The following F2RL2 variants were observed in gnomAD, a reference collection of about 807,000 sequenced individuals.
F2RL2 encodes the protein coagulation factor II thrombin receptor like 2.
In F2RL2, 4 loss-of-function variants were observed where a neutral mutation model predicts 4.3. The observed-to-expected ratio is 0.93, with a 90% confidence interval of 0.46 to 2.12. The LOEUF (loss-of-function observed/expected upper bound fraction) is 2.12, where lower values mean the gene tolerates loss of function less well. Ranked by LOEUF, F2RL2 falls within the 30% of genes most tolerant of loss-of-function variation. The pLI, the probability that F2RL2 is intolerant of heterozygous loss-of-function variation, is 0.02. For synonymous variants in F2RL2, 166 were observed against 170.9 expected, an observed-to-expected ratio of 0.97 and a Z score of 0.22; for missense variants, 408 against 449.3, an observed-to-expected ratio of 0.91 and a Z score of 0.83.
rs1749255273 is a variant in F2RL2 at position 76,618,553 on chromosome 5, G to A, written c.154C>T (p.Pro52Ser). The change falls in exon 2 of 2, where the codon CCC becomes TCC. Residue 52 changes from proline to serine, a missense_variant. Pro to Ser is a moderately conservative substitution (Grantham distance 74). Coordinates refer to ENST00000296641, the MANE Select transcript of F2RL2 (RefSeq NM_004101.4). Reference protein sequence around the residue: ...GAPPNSFEEFPFSALEGWTGA... With the variant: ...GAPPNSFEEFSFSALEGWTGA... ...GTCCAGCCTTCCAAGGCAGAAAAGGGGAACTCTTCAAAAGAATTTGGGGGA... is the reference window on the plus strand; with the variant it reads ...GTCCAGCCTTCCAAGGCAGAAAAGGAGAACTCTTCAAAAGAATTTGGGGGA... 1.2e-6 allele frequency: 2 copies of A among 1,614,092 alleles called. No individual in the cohort carries two copies. Among genetic ancestry groups the A allele is most frequent in the Admixed American group, 1.7e-5 (1 of 60,016 alleles).
Position 76,617,437 on chromosome 5 carries a change from CAA to C in F2RL2, c.*143_*144del. On this transcript the variant is annotated 3_prime_UTR_variant, in exon 2 of 2. Coordinates refer to ENST00000296641, the MANE Select transcript of F2RL2 (RefSeq NM_004101.4). ...AGACTCAGTCTCAAAAACAAACAAA[CAA>C]ACTACTAATGCTTTTGTAATGTTTG... 1 of 645,494 alleles carries C rather than the reference CAA, an allele frequency of 1.5e-6. No homozygotes were observed. Among genetic ancestry groups the C allele is most frequent in the Middle Eastern group, 4.3e-4 (1 of 2,342 alleles). 40.0% of individuals were successfully genotyped at this position (645,494 alleles called of 1,614,324 possible).
intron 1 of F2RL2, 57 bp from the exon 2 acceptor site, chr5:76,618,699 G>A (rs1426410169): frequency 1.5e-6 from 2 of 1,347,306 alleles, no homozygotes; most frequent in African/African-American, 1.5e-5. Flanking sequence ...AAGAAAGTGT[G>A]TTTAATTATT....
chr5:76,617,827 G>A lies in F2RL2; in HGVS notation c.880C>T (p.His294Tyr), dbSNP rs142494940. Residue 294 changes from histidine (H) to tyrosine (Y), a missense_variant, in exon 2 of 2, where the codon CAT becomes TAT. Coordinates refer to ENST00000296641, the MANE Select transcript of F2RL2 (RefSeq NM_004101.4). ...AIIRTLNAYD[H>Y]RWLWYVKASL... Reference sequence around the variant, plus strand: ...GCCTTAACATACCACAACCATCTATGATCGTATGCATTAAGTGTCCGGATG... The same window carrying A: ...GCCTTAACATACCACAACCATCTATAATCGTATGCATTAAGTGTCCGGATG... 3.7e-6 allele frequency: 6 copies of A among 1,613,756 alleles called. No homozygotes were observed. Among genetic ancestry groups the A allele is most frequent in the African/African-American group, 1.3e-5 (1 of 74,880 alleles).
chr5:76,621,348 A>G (rs1749652437), intron 1 of F2RL2, among the ~76,000 whole-genome samples: 1 of 152,178 alleles, frequency 6.6e-6, no homozygotes, highest in African/African-American at 2.4e-5. Context: ...GATTAAAGAA[A>G]AGGAAAGAAA....
Position 76,617,641 on chromosome 5 carries a change from A to G in F2RL2, c.1066T>C (p.Phe356Leu), listed in dbSNP as rs1318764999. 1 of 1,613,992 alleles carries G rather than the reference A, an allele frequency of 6.2e-7. No individual in the cohort carries two copies. Among genetic ancestry groups the G allele is most frequent in the Non-Finnish European group, 8.5e-7 (1 of 1,179,970 alleles). Residue 356 changes from phenylalanine (F) to leucine (L), a missense_variant, in exon 2 of 2, where the codon TTC becomes CTC. Physicochemically the swap from Phe to Leu is conservative, Grantham distance 22 (BLOSUM62 0). Transcript: ENST00000296641. ...LGSLNSCLDPFLYFLMSKTRN... is the reference protein window; with the variant it reads ...LGSLNSCLDPLLYFLMSKTRN... ...GTTTTTGACATGAGAAAATAAAGGA[A>G]TGGATCTAAGCAACTATTAAGACTA...
chr5:76,620,727 T>G (rs978538853), intron 1 of F2RL2, among the ~76,000 whole-genome samples: 2 of 151,824 alleles, frequency 1.3e-5, no homozygotes, highest in African/African-American at 4.8e-5. Flanking sequence ...AAGGTGGACT[T>G]TAGGGGTAAT....
In F2RL2 at chr5:76,617,608, G is replaced by A; in HGVS notation, c.1099C>T (p.His367Tyr). Reference protein sequence around the residue: ...LYFLMSKTRNHSTAYLTK With the variant: ...LYFLMSKTRNYSTAYLTK ...TATTTTGTAAGGTAAGCAGTGGAGT[G>A]ATTTCTGGTTTTTGACATGAGAAAA... The change falls in exon 2 of 2, where the codon CAC becomes TAC. Residue 367 changes from histidine (H) to tyrosine (Y), a missense_variant. Transcript: ENST00000296641. 1 of 1,613,202 alleles carries A rather than the reference G, an allele frequency of 6.2e-7. No individual in the cohort carries two copies. Among genetic ancestry groups the A allele is most frequent in the East Asian group, 2.2e-5 (1 of 44,872 alleles).
At chr5:76,619,608 C>G (rs1427991643) in intron 1 of F2RL2, among the ~76,000 whole-genome samples, 1 of 151,632 alleles carries the variant, frequency 6.6e-6, no homozygotes, top group Non-Finnish European at 1.5e-5. Context: ...CCTCCGCCTC[C>G]CGGGTTCACG....
chr5:76,622,008 CAG>C (rs1749730413), intron 1 of F2RL2, among the ~76,000 whole-genome samples: 1 of 152,100 alleles, frequency 6.6e-6, no homozygotes, highest in African/African-American at 2.4e-5. Context: ...CCTCTAGAGA[CAG>C]AAACTAAAAA....
Position 76,622,431 on chromosome 5 carries a change from T to G in F2RL2, c.64+736A>C, listed in dbSNP as rs375837875. On this transcript the variant is annotated intron_variant, in intron 1 of 1. Coordinates refer to ENST00000296641, the MANE Select transcript of F2RL2 (RefSeq NM_004101.4). ...GAAAGCATTGATTTCTGTTTTTGTTTCCCTTGCTATGTCCAGTCTTTGCCT... is the reference window on the plus strand; with the variant it reads ...GAAAGCATTGATTTCTGTTTTTGTTGCCCTTGCTATGTCCAGTCTTTGCCT... Among the ~76,000 whole-genome samples, 310 of 152,316 alleles carry G rather than the reference T, an allele frequency of 2.0e-3. 2 individuals carry two copies. Among genetic ancestry groups the G allele is most frequent in the African/African-American group, 7.3e-3 (302 of 41,550 alleles).
chr5:76,619,866 A>G (rs1467988909), intron 1 of F2RL2, among the ~76,000 whole-genome samples: 1 of 152,156 alleles, frequency 6.6e-6, no homozygotes, highest in Non-Finnish European at 1.5e-5. Flanking sequence ...GGGTGGGTCA[A>G]ATATAATCAT....
intron 1 of F2RL2, among the ~76,000 whole-genome samples, chr5:76,622,554 G>A (rs1749802865): frequency 1.3e-5 from 2 of 152,184 alleles, no homozygotes; most frequent in African/African-American, 2.4e-5. Context: ...AAAGCAGGAG[G>A]TTTCAGGCTA....
At chr5:76,621,210 C>T (rs571289488) in intron 1 of F2RL2, among the ~76,000 whole-genome samples, 7 of 152,034 alleles carry the variant, frequency 4.6e-5, no homozygotes, top group African/African-American at 1.5e-4. Flanking sequence ...AGTTAGCTCC[C>T]GGGTGAAATG....
At chr5:76,621,755 C>T (rs953937309) in intron 1 of F2RL2, among the ~76,000 whole-genome samples, 4 of 152,098 alleles carry the variant, frequency 2.6e-5, no homozygotes, top group Non-Finnish European at 5.9e-5. Flanking sequence ...GCCTGGTTTT[C>T]CTTATGAATT....
At chr5:76,619,099 TA>T (rs1237787581) in intron 1 of F2RL2, among the ~76,000 whole-genome samples, 1 of 152,244 alleles carries the variant, frequency 6.6e-6, no homozygotes, top group Non-Finnish European at 1.5e-5. Flanking sequence ...TAGTGTGGGC[TA>T]TCATGGGATC....
In F2RL2 at chr5:76,618,288, A is replaced by C; in HGVS notation, c.419T>G (p.Phe140Cys). The C allele has an allele frequency of 6.2e-7, 1 of 1,614,246 alleles. No individual in the cohort carries two copies. Among genetic ancestry groups the C allele is most frequent in the Non-Finnish European group, 8.5e-7 (1 of 1,180,036 alleles). Residue 140 changes from phenylalanine to cysteine, a missense_variant, in exon 2 of 2, where the codon TTT becomes TGT. Transcript: ENST00000296641. ...AAAGGGCAATGTAACACAAAAAAGA[A>C]AATCTGCAATGGCCAGGTTGGTGTA... is the stretch of plus-strand genomic sequence containing the variant. ...VFYTNLAIAD[F>C]LFCVTLPFKI...
intron 1 of F2RL2, among the ~76,000 whole-genome samples, 198 bp downstream of exon 1, chr5:76,622,955 ATCAGGAGGGAACAC>A (rs1233129610): frequency 3.3e-5 from 5 of 152,248 alleles, no homozygotes; most frequent in Non-Finnish European, 7.3e-5. Flanking sequence ...ATTTTTAAAC[ATCAGGAGGGAACAC>A]TTAGTCTATG....
In F2RL2 at chr5:76,618,522, G is replaced by T; in HGVS notation, c.185C>A (p.Ala62Asp). The change falls in exon 2 of 2, where the codon GCC becomes GAC. Residue 62 changes from alanine (A) to aspartate (D), a missense_variant. By Grantham distance (126) the Ala-to-Asp change is moderately radical (BLOSUM62 -2). Transcript: ENST00000296641. ...PFSALEGWTG[A>D]TITVKIKCPE... The stretch of plus-strand genomic sequence containing the variant: ...GCACTTAATTTTTACAGTAATCGTG[G>T]CTCCTGTCCAGCCTTCCAAGGCAGA... The T allele has an allele frequency of 1.2e-6, 2 of 1,614,116 alleles. No homozygotes were observed. Among genetic ancestry groups the T allele is most frequent in the South Asian group, 1.1e-5 (1 of 91,082 alleles).
Position 76,617,505 on chromosome 5 carries a change from C to T in F2RL2, c.*77G>A, listed in dbSNP as rs1447584692. On this transcript the variant is annotated 3_prime_UTR_variant, in exon 2 of 2. Coordinates refer to ENST00000296641, the MANE Select transcript of F2RL2 (RefSeq NM_004101.4). Reference sequence around the variant, plus strand: ...TTCTTAGGAGCTCGGAAATGGAGCTCCTTGCACTATGCTTATGTTGTTCTT... The same window carrying T: ...TTCTTAGGAGCTCGGAAATGGAGCTTCTTGCACTATGCTTATGTTGTTCTT... 1.8e-6 allele frequency: 2 copies of T among 1,092,070 alleles called. No individual in the cohort carries two copies. The highest frequency in any genetic ancestry group is 1.5e-5 in the South Asian group (1 of 65,100). The allele number at this position is 1,092,070 out of a possible 1,614,324, so 67.6% of individuals were successfully genotyped here. A position where few individuals can be genotyped will look rare whatever the true frequency, so the allele number is the denominator to read the frequency against.
Sources: gnomAD v4.1 joint callset for allele counts (sites outside exome capture counted in the v4.1 genomes callset) on GRCh38, gnomAD v4.1.1 for gene constraint, MANE v1.5 for transcripts, NCBI Gene and HGNC (gene_info 2026-07-23, HGNC 2026-07-21) for gene names.